MUC4: variants seen among roughly 807,000 people sequenced by gnomAD.
MUC4 encodes mucin 4, cell surface associated.
MUC4 carries 202 observed loss-of-function variants against 257.9 expected under a neutral mutation model. The observed-to-expected ratio is 0.78, with a 90% confidence interval of 0.70 to 0.88. The LOEUF (loss-of-function observed/expected upper bound fraction) is 0.88. Ranked by LOEUF, MUC4 falls within the 40% of genes least tolerant of loss-of-function variation. The pLI, the probability that MUC4 is intolerant of heterozygous loss-of-function variation, is 0.00. For missense variants in MUC4, 5,976 were observed against 6,513.7 expected, an observed-to-expected ratio of 0.92 and a Z score of 2.84; for synonymous variants, 2,351 against 2,757.1, an observed-to-expected ratio of 0.85 and a Z score of 4.62.
chr3:195,770,881 T>G (rs957476669), intron 5 of MUC4: 2 of 457,728 alleles, frequency 4.4e-6, no homozygotes, highest in Admixed American at 2.3e-5. Flanking sequence ...ATAGACCCCC[T>G]ACAGCCTGAT....
At position 195,779,693 on chromosome 3, in the gene MUC4, T is replaced by G; in HGVS notation, c.11887A>C (p.Thr3963Pro). Reference protein sequence around the residue: ...LPVTDTSSVSTGHATSLPVTS... With the variant: ...LPVTDTSSVSPGHATSLPVTS... ...ACAGGAAGAGAGGTGGCGTGACCTG[T>G]GGATACTGAGGAAGTGTCGGTGACA... Residue 3963 changes from threonine (T) to proline (P), a missense_variant, in exon 2 of 25, where the codon ACA becomes CCA. This residue lies in a region of MUC4 where 293 missense variants were observed against 294.5 expected (regional missense o/e 1.00). Coordinates refer to ENST00000463781, the MANE Select transcript of MUC4 (RefSeq NM_018406.7). 8.1e-7 allele frequency: 1 copy of G among 1,240,940 alleles called. No individual in the cohort carries two copies. The highest frequency in any genetic ancestry group is 1.1e-6 in the Non-Finnish European group (1 of 931,714). 76.9% of individuals were successfully genotyped at this position (1,240,940 alleles called of 1,614,324 possible).
intron 1 of MUC4, among the ~76,000 whole-genome samples, chr3:195,804,432 G>A (rs1735725554): frequency 6.6e-6 from 1 of 152,226 alleles, no homozygotes; most frequent in Admixed American, 6.5e-5. Flanking sequence ...AGTGACGCTG[G>A]CAGAAGACAG....
chr3:195,785,669 C>A lies in MUC4; in HGVS notation c.5911G>T (p.Val1971Phe), dbSNP rs757002000. 1 of 1,511,502 alleles carries A rather than the reference C, an allele frequency of 6.6e-7. No homozygotes were observed. Among genetic ancestry groups the A allele is most frequent in the Non-Finnish European group, 8.9e-7 (1 of 1,124,014 alleles). The allele number at this position is 1,511,502 out of a possible 1,614,324, so 93.6% of individuals were successfully genotyped here. The change falls in exon 2 of 25, where the codon GTC (valine) becomes TTC (phenylalanine). Residue 1971 changes from valine to phenylalanine, a missense_variant. By Grantham distance (50) the Val-to-Phe change is conservative. Transcript: ENST00000463781. The stretch of plus-strand genomic sequence containing the variant: ...GTGGACACTGAGGAAGCGTCGGTGA[C>A]AGGAAGAGAGGTGGCGTGACCTGTG... ...VPTGHATSLP[V>F]TDASSVSTGH...
chr3:195,763,848 G>A lies in MUC4; in HGVS notation c.14044+197C>T, dbSNP rs200478206. On this transcript the variant is annotated intron_variant, in intron 11 of 24. Coordinates refer to ENST00000463781, the MANE Select transcript of MUC4 (RefSeq NM_018406.7). ...TCCCCTCAAGCCTCCTTGCATTTTC[G>A]TGCCCCGCTATTCTCACTCCTTCCC... Among the ~76,000 whole-genome samples the A allele has an allele frequency of 5.9e-5, 9 of 152,182 alleles. No homozygotes were observed. In the East Asian group the frequency reaches 1.2e-3, roughly 20 times the overall value.
At chr3:195,805,174 T>C (rs898968546) in intron 1 of MUC4, among the ~76,000 whole-genome samples, 1 of 151,854 alleles carries the variant, frequency 6.6e-6, no homozygotes, top group African/African-American at 2.4e-5. Context: ...CCCTTCACAG[T>C]GGACTCCAAG....
chr3:195,762,996 GC>G, intron 12 of MUC4, 51 bp from the exon 13 acceptor site: 1 of 1,399,608 alleles, frequency 7.1e-7, no homozygotes, highest in Non-Finnish European at 9.8e-7. Context: ...TGGAGCCGAC[GC>G]CCAGGAAAGC....
chr3:195,781,163 G>T lies in MUC4; in HGVS notation c.10417C>A (p.Leu3473Ile). 6.7e-7 allele frequency: 1 copy of T among 1,488,290 alleles called. No individual in the cohort carries two copies. The allele number at this position is 1,488,290 out of a possible 1,614,324, so 92.2% of individuals were successfully genotyped here. The change falls in exon 2 of 25, where the codon CTT (leucine) becomes ATT (isoleucine). Residue 3473 changes from leucine to isoleucine, a missense_variant. By Grantham distance (5) the Leu-to-Ile change is conservative (BLOSUM62 2). Coordinates refer to ENST00000463781, the MANE Select transcript of MUC4 (RefSeq NM_018406.7). Reference sequence around the variant, plus strand: ...GCTGAGGAAGGGCTGGTGACAGGAAGAGGGGTGGTGTCACCTGTGGATGCT... The same window carrying T: ...GCTGAGGAAGGGCTGGTGACAGGAATAGGGGTGGTGTCACCTGTGGATGCT... Reference protein sequence around the residue: ...SSASTGDTTPLPVTSPSSAST... With the variant: ...SSASTGDTTPIPVTSPSSAST...
In MUC4 at chr3:195,774,259, G is replaced by C. The variant is rs767808187; in HGVS notation, c.12990C>G (p.Phe4330Leu). 3 of 1,599,584 alleles carry C rather than the reference G, an allele frequency of 1.9e-6. No individual in the cohort carries two copies. Among genetic ancestry groups the C allele is most frequent in the Non-Finnish European group, 2.6e-6 (3 of 1,174,016 alleles). Reference sequence around the variant, plus strand: ...AGGTGAAGTCCACGGTCCTCCTGACGAACTCCAGGTCCCCGGCGCCTGCCC... The same window carrying C: ...AGGTGAAGTCCACGGTCCTCCTGACCAACTCCAGGTCCCCGGCGCCTGCCC... ...PYGAGAGDLE[F>L]VRRTVDFTSP... The change falls in exon 4 of 25, where the codon TTC (phenylalanine) becomes TTG (leucine). Residue 4330 changes from phenylalanine (F) to leucine (L), a missense_variant. Transcript: ENST00000463781.
intron 24 of MUC4, 26 bp from the exon 25 acceptor site, chr3:195,747,406 C>A: frequency 6.2e-7 from 1 of 1,608,388 alleles, no homozygotes; most frequent in Non-Finnish European, 8.5e-7. Flanking sequence ...GACAGACAGG[C>A]GGTCAGAGGC....
At chr3:195,773,800 G>A (rs942339351) in intron 4 of MUC4, among the ~76,000 whole-genome samples, 7 of 152,198 alleles carry the variant, frequency 4.6e-5, no homozygotes, top group African/African-American at 1.2e-4. Flanking sequence ...TGCTGTGTTC[G>A]GACTCAGCCT....
intron 23 of MUC4, among the ~76,000 whole-genome samples, chr3:195,749,587 A>C (rs1326627506): frequency 3.1e-4 from 47 of 152,178 alleles, no homozygotes; most frequent in Non-Finnish European, 5.1e-4. Context: ...GACACACAGT[A>C]AGCACTCAAA....
At position 195,780,492 on chromosome 3, in the gene MUC4, A is replaced by G. The variant is rs1186064131; in HGVS notation, c.11088T>C (p.Pro3696=). Residue 3696 remains proline, a synonymous_variant, in exon 2 of 25, where the codon CCT becomes CCC. Coordinates refer to ENST00000463781, the MANE Select transcript of MUC4 (RefSeq NM_018406.7). The stretch of plus-strand genomic sequence containing the variant: ...ATGAGGAAGGGATGGTGACAGGAAG[A>G]GGGGTGGCCTGACCTGTGGATGCTG... The part of the protein sequence containing the change: ...TSSASTGQAT[P]LPVTIPSSSS... The G allele has an allele frequency of 4.0e-6, 6 of 1,490,554 alleles. No homozygotes were observed. The highest frequency in any genetic ancestry group is 2.1e-5 in the Admixed American group (1 of 48,492). The allele number at this position is 1,490,554 out of a possible 1,614,324, so 92.3% of individuals were successfully genotyped here. A position where few individuals can be genotyped will look rare whatever the true frequency, so the allele number is the denominator to read the frequency against.
In MUC4 at chr3:195,750,960, C is replaced by G. The variant is rs1280688008; in HGVS notation, c.15800G>C (p.Arg5267Thr). The change falls in exon 23 of 25, where the codon AGG becomes ACG. Residue 5267 changes from arginine to threonine, a missense_variant. Physicochemically the swap from Arg to Thr is moderately conservative, Grantham distance 71. Transcript: ENST00000463781. ...VEAFLYHVPR[R>T]SEEPRNDVVF... ...CACGTCGTTCCTGGGCTCCTCACTC[C>G]TCCGTGGAACGTGGTATAAGAACGC... 4 of 1,614,102 alleles carry G rather than the reference C, an allele frequency of 2.5e-6. No homozygotes were observed. In the South Asian group the frequency reaches 4.4e-5, roughly 18 times the overall value.
Position 195,787,509 on chromosome 3 carries a change from G to A in MUC4, c.4071C>T (p.His1357=), listed in dbSNP as rs1732707537. Residue 1357 remains histidine, a synonymous_variant, in exon 2 of 25, where the codon CAC becomes CAT. Coordinates refer to ENST00000463781, the MANE Select transcript of MUC4 (RefSeq NM_018406.7). Reference sequence around the variant, plus strand: ...CATCAGTGACATGAAGAGGGGTGGTGTGACCTGTGGATACTGAGGAAGCGT... The same window carrying A: ...CATCAGTGACATGAAGAGGGGTGGTATGACCTGTGGATACTGAGGAAGCGT... ...VTDASSVSTG[H]TTPLHVTDAS... The A allele has an allele frequency of 1.4e-5, 11 of 777,930 alleles. 1 individual carries two copies. Among genetic ancestry groups the A allele is most frequent in the East Asian group, 6.5e-5 (2 of 30,930 alleles). The allele number at this position is 777,930 out of a possible 1,614,324, so 48.2% of individuals were successfully genotyped here. A position where few individuals can be genotyped will look rare whatever the true frequency, so the allele number is the denominator to read the frequency against.
intron 4 of MUC4, among the ~76,000 whole-genome samples, chr3:195,772,949 T>C (rs71318000): frequency 0.43 from 24,729 of 56,906 alleles, 3,309 homozygotes; most frequent in African/African-American, 0.55. Flanking sequence ...GGGGTGTAGA[T>C]ACCCTCTCTC....
At chr3:195,767,575 A>ATCACCATTG (rs1560261898) in intron 7 of MUC4, among the ~76,000 whole-genome samples, 2 of 105,342 alleles carry the variant, frequency 1.9e-5, no homozygotes, top group African/African-American at 1.0e-4. Flanking sequence ...CACCACCATC[A>ATCACCATTG]CCACCACCAT....
At position 195,786,815 on chromosome 3, in the gene MUC4, C is replaced by T. The variant is rs1368112316; in HGVS notation, c.4765G>A (p.Asp1589Asn). The stretch of plus-strand genomic sequence containing the variant: ...TCACCTTTGGATGCTGAGGAAGTGT[C>T]GGTGACAGGAAGAGGGGTGGTGTGA... ...TGHTTPLPVT[D>N]TSSASKGDTT... The change falls in exon 2 of 25, where the codon GAC becomes AAC. Residue 1589 changes from aspartate (D) to asparagine (N), a missense_variant. By Grantham distance (23) the Asp-to-Asn change is conservative. Around this residue, in one of 44 missense-constraint regions of MUC4, gnomAD observed 63 missense variants for 68.8 expected, o/e 0.92. Coordinates refer to ENST00000463781, the MANE Select transcript of MUC4 (RefSeq NM_018406.7). 297 of 1,429,384 alleles carry T rather than the reference C, an allele frequency of 2.1e-4. 2 individuals carry two copies. In the African/African-American group the frequency reaches 4.6e-3, roughly 22 times the overall value. The allele number at this position is 1,429,384 out of a possible 1,614,324, so 88.5% of individuals were successfully genotyped here. A position where few individuals can be genotyped will look rare whatever the true frequency, so the allele number is the denominator to read the frequency against.
intron 1 of MUC4, among the ~76,000 whole-genome samples, chr3:195,804,237 T>C (rs1330855393): frequency 6.6e-6 from 1 of 152,176 alleles, no homozygotes; most frequent in Non-Finnish European, 1.5e-5. Context: ...GTAGTTCTTT[T>C]CTCTCCTTGA....
intron 5 of MUC4, chr3:195,770,663 C>T (rs1004114679): frequency 1.6e-5 from 8 of 509,104 alleles, no homozygotes; most frequent in Admixed American, 6.5e-5. Flanking sequence ...CAGAGCCACT[C>T]GGGCCCACTT....
Sources: allele counts gnomAD v4.1 joint callset (sites outside exome capture counted in the v4.1 genomes callset), GRCh38; gene constraint gnomAD v4.1.1; regional missense constraint gnomAD v4.1.1; transcripts MANE v1.5; gene names NCBI Gene and HGNC (gene_info 2026-07-23, HGNC 2026-07-21).